Variants in PDE1B observed in about 807,000 individuals in gnomAD.
The protein encoded by PDE1B is phosphodiesterase 1B, also known as dual specificity calcium/calmodulin-dependent 3',5'-cyclic nucleotide phosphodiesterase 1B.
In PDE1B, 13 loss-of-function variants were observed where a neutral mutation model predicts 66.7. The observed-to-expected ratio is 0.19, with a 90% CI of 0.13 to 0.31. The LOEUF (loss-of-function observed/expected upper bound fraction) is 0.31, where lower values mean the gene tolerates loss of function less well. Ranked by LOEUF, PDE1B falls within the 10% of genes least tolerant of loss-of-function variation. The pLI is 1.00. For synonymous variants in PDE1B, 230 were observed against 253.9 expected, an observed-to-expected ratio of 0.91 and a Z score of 0.90; for missense variants, 485 against 682.3, an observed-to-expected ratio of 0.71 and a Z score of 3.22.
chr12:54,564,190 C>T (rs2121087209), intron 2 of PDE1B, among the ~76,000 whole-genome samples: 1 of 152,260 alleles, frequency 6.6e-6, no homozygotes, highest in Non-Finnish European at 1.5e-5. Flanking sequence ...ACCCCCCACA[C>T]CCATACTTTC....
chr12:54,561,963 C>T (rs1223648369), intron 2 of PDE1B, among the ~76,000 whole-genome samples: 2 of 152,088 alleles, frequency 1.3e-5, no homozygotes, highest in South Asian at 2.1e-4. Context: ...CACATTCCTT[C>T]GAAATTTCAT....
chr12:54,576,458 T>A, intron 13 of PDE1B, 113 bp from the exon 14 acceptor site: 1 of 1,268,656 alleles, frequency 7.9e-7, no homozygotes, highest in Non-Finnish European at 1.1e-6. Flanking sequence ...AAGAGGAAGA[T>A]GAAGTTCCCT....
chr12:54,569,553 C>T lies in PDE1B; in HGVS notation c.418C>T (p.Arg140Trp). ...CTCATTGTTCTCTCTCAGGATGTTC[C>T]GGAGAACATACACCTCTGTGGGCCC... ...QAGIFVERMF[R>W]RTYTSVGPTY... The change falls in exon 5 of 16, where the codon CGG becomes TGG. Residue 140 changes from arginine to tryptophan, a missense_variant. Around this residue, in one of 4 missense-constraint regions of PDE1B, gnomAD observed 282 missense variants for 453.4 expected, o/e 0.62. Transcript: ENST00000243052. The surrounding 1 kb of genome is among the most constrained non-coding windows in gnomAD (Gnocchi z 4.4). 1 of 1,612,472 alleles carries T rather than the reference C, an allele frequency of 6.2e-7. No individual in the cohort carries two copies.
chr12:54,555,088 C>A (rs534953252), intron 2 of PDE1B, among the ~76,000 whole-genome samples: 1 of 152,118 alleles, frequency 6.6e-6, no homozygotes, highest in Non-Finnish European at 1.5e-5. Flanking sequence ...TAGAGGAGGG[C>A]AATATTATGA....
In PDE1B at chr12:54,572,582, T is replaced by G; in HGVS notation, c.595-19T>G. 6.2e-7 allele frequency: 1 copy of G among 1,610,514 alleles called. No individual in the cohort carries two copies. Reference sequence around the variant, plus strand: ...CTGTGGATCCTTGATATATCTCCATTTCCCCTAACTCCCCGCAGATTCCCA... The same window carrying G: ...CTGTGGATCCTTGATATATCTCCATGTCCCCTAACTCCCCGCAGATTCCCA... On this transcript the variant is annotated intron_variant, in intron 6 of 15. Transcript: ENST00000243052.
At chr12:54,559,140 A>G (rs1957374454) in intron 2 of PDE1B, among the ~76,000 whole-genome samples, 1 of 152,172 alleles carries the variant, frequency 6.6e-6, no homozygotes, top group African/African-American at 2.4e-5. Context: ...TTGGAATTAG[A>G]TGATTTCCTT....
At chr12:54,568,634 C>T (rs542928578) in intron 3 of PDE1B, among the ~76,000 whole-genome samples, 16 of 152,170 alleles carry the variant, frequency 1.1e-4, no homozygotes, top group African/African-American at 3.6e-4. Context: ...CAACTGAGGT[C>T]AGGAATTCAA....
intron 2 of PDE1B, among the ~76,000 whole-genome samples, chr12:54,555,331 G>T (rs1234194580): frequency 6.6e-6 from 1 of 152,154 alleles, no homozygotes; most frequent in East Asian, 1.9e-4. Flanking sequence ...TCCTATTTTA[G>T]AAAATCACTG....
intron 2 of PDE1B, chr12:54,561,524 G>A: frequency 2.1e-6 from 3 of 1,448,564 alleles, no homozygotes; most frequent in Non-Finnish European, 2.7e-6. Context: ...TCCCCTCTTG[G>A]GGGCCCTGGG....
intron 2 of PDE1B, among the ~76,000 whole-genome samples, chr12:54,556,835 C>T (rs902643916): frequency 6.7e-6 from 1 of 148,664 alleles, no homozygotes; most frequent in South Asian, 2.1e-4. Flanking sequence ...GGTGTTGGCA[C>T]CATTTAGGTT....
intron 2 of PDE1B, among the ~76,000 whole-genome samples, chr12:54,565,339 G>A (rs919297877): frequency 3.3e-5 from 5 of 152,202 alleles, no homozygotes; most frequent in Non-Finnish European, 7.3e-5. Context: ...GGGACTGATC[G>A]GCAGAGGGAA....
chr12:54,559,002 T>A (rs1302122411), intron 2 of PDE1B, among the ~76,000 whole-genome samples: 2 of 152,186 alleles, frequency 1.3e-5, no homozygotes, highest in East Asian at 1.9e-4. Context: ...AGAGTGACTT[T>A]CCCAAGGTCA....
intron 2 of PDE1B, among the ~76,000 whole-genome samples, chr12:54,555,258 G>A (rs145358740): frequency 1.3e-5 from 2 of 152,308 alleles, no homozygotes; most frequent in African/African-American, 4.8e-5. Flanking sequence ...TGAACATTGG[G>A]GAATTCCCTT....
At chr12:54,550,057 T>C (rs1957253395) in intron 2 of PDE1B, 72 bp downstream of exon 2, 3 of 1,557,618 alleles carry the variant, frequency 1.9e-6, no homozygotes, top group South Asian at 2.4e-5. Context: ...GGGGGATAAC[T>C]GGAGCAGGGC....
intron 2 of PDE1B, among the ~76,000 whole-genome samples, chr12:54,563,409 C>T (rs1180754262): frequency 6.6e-6 from 1 of 152,240 alleles, no homozygotes; most frequent in East Asian, 1.9e-4. Flanking sequence ...TGACCTTAGA[C>T]AAGTCACTTA....
chr12:54,558,100 C>A (rs1957363882), intron 2 of PDE1B, among the ~76,000 whole-genome samples: 1 of 152,096 alleles, frequency 6.6e-6, no homozygotes, highest in African/African-American at 2.4e-5. Flanking sequence ...GCTAGGAACA[C>A]CTGTTAGAAA....
At chr12:54,565,651 C>T (rs1195464802) in intron 2 of PDE1B, among the ~76,000 whole-genome samples, 2 of 152,196 alleles carry the variant, frequency 1.3e-5, no homozygotes, top group Non-Finnish European at 2.9e-5. Flanking sequence ...CAGTGCCGTC[C>T]TCCAACTTCT....
chr12:54,550,062 C>T (rs747676690), intron 2 of PDE1B, 77 bp downstream of exon 2: 270 of 1,545,214 alleles, frequency 1.7e-4, no homozygotes, highest in Non-Finnish European at 2.2e-4. Flanking sequence ...ATAACTGGAG[C>T]AGGGCTGTGG....
Position 54,553,416 on chromosome 12 carries a change from C to G in PDE1B, c.113+3431C>G, listed in dbSNP as rs972632737. Reference sequence around the variant, plus strand: ...TTTCTTTCCCCACATGGTACGCACTCGGGACCCTCAAAGTCTAGGCTCAAT... The same window carrying G: ...TTTCTTTCCCCACATGGTACGCACTGGGGACCCTCAAAGTCTAGGCTCAAT... On this transcript the variant is annotated intron_variant, in intron 2 of 15. Transcript: ENST00000243052. 3.9e-5 allele frequency among the ~76,000 whole-genome samples: 6 copies of G among 152,242 alleles called. No homozygotes were observed. In the East Asian group the frequency reaches 1.2e-3, roughly 29 times the overall value.
Sources: gnomAD v4.1 joint callset for allele counts (sites outside exome capture counted in the v4.1 genomes callset) on GRCh38, gnomAD v4.1.1 for gene constraint, gnomAD v4.1.1 regional missense constraint, Gnocchi (gnomAD v3.1) non-coding constraint, MANE v1.5 for transcripts, NCBI Gene and HGNC (gene_info 2026-07-23, HGNC 2026-07-21) for gene names.